Variants in CPNE4 observed in about 807,000 individuals in gnomAD.
CPNE4 encodes copine 4, also known as copine-4.
CPNE4 carries 25 observed loss-of-function variants against 67.9 expected under a neutral mutation model. The ratio of observed to expected loss-of-function variants is 0.37; its 90% CI spans 0.27 to 0.51. CPNE4 has a LOEUF of 0.51. Among genes scored for constraint, CPNE4 ranks in the 20% least tolerant of loss-of-function variants. The pLI is 0.93. For synonymous variants in CPNE4, 242 were observed against 244.9 expected (o/e 0.99, Z 0.11); for missense variants, 464 against 690.8 (o/e 0.67, Z 3.68).
chr3:131,861,022 G>A (rs1209797324), intron 2 of CPNE4, among the ~76,000 whole-genome samples: 1 of 152,172 alleles, frequency 6.6e-6, no homozygotes. Context: ...ATAAAAGTGA[G>A]TTTGAGTTTT....
intron 3 of CPNE4, among the ~76,000 whole-genome samples, chr3:131,704,856 G>A (rs1583050498): frequency 6.6e-6 from 1 of 151,652 alleles, no homozygotes; most frequent in South Asian, 2.1e-4. Context: ...ATGAAATTGT[G>A]TATCCCATAT....
chr3:131,562,723 G>T (rs1283175231), intron 11 of CPNE4, among the ~76,000 whole-genome samples: 1 of 151,898 alleles, frequency 6.6e-6, no homozygotes, highest in Non-Finnish European at 1.5e-5. Context: ...TCTCTCCCTG[G>T]TGGAAATCTT....
intron 1 of CPNE4, among the ~76,000 whole-genome samples, chr3:131,988,066 T>TCC (rs2073097431): frequency 6.6e-6 from 1 of 152,072 alleles, no homozygotes; most frequent in Non-Finnish European, 1.5e-5. Flanking sequence ...GTGCTATGAG[T>TCC]AGGTGACACA....
intron 2 of CPNE4, among the ~76,000 whole-genome samples, chr3:131,812,519 A>G (rs952944493): frequency 3.3e-5 from 5 of 152,332 alleles, no homozygotes; most frequent in African/African-American, 9.6e-5. Context: ...TTCAAATAAA[A>G]ACAAAAGAAT....
intron 2 of CPNE4, among the ~76,000 whole-genome samples, chr3:131,818,884 G>A (rs978672586): frequency 3.3e-5 from 5 of 152,094 alleles, no homozygotes; most frequent in Non-Finnish European, 5.9e-5. Context: ...GGCAGATCAC[G>A]AGGTCAAGGG....
chr3:131,721,024 T>A (rs1477261311), intron 3 of CPNE4, among the ~76,000 whole-genome samples: 1 of 152,230 alleles, frequency 6.6e-6, no homozygotes, highest in Admixed American at 6.5e-5. Flanking sequence ...CCTTATTTGA[T>A]CCCTCTCTCT....
intron 2 of CPNE4, among the ~76,000 whole-genome samples, chr3:131,806,253 A>C (rs34061430): frequency 0.25 from 38,518 of 152,140 alleles, 5,234 homozygotes; most frequent in East Asian, 0.34. Context: ...TAATTAGAAC[A>C]TAAAATTAAA....
At chr3:131,645,954 C>A (rs1362192477) in intron 7 of CPNE4, among the ~76,000 whole-genome samples, 2 of 152,180 alleles carry the variant, frequency 1.3e-5, no homozygotes, top group East Asian at 3.9e-4. Context: ...GCTCAAGAAA[C>A]TATGCATGAA....
Position 131,535,117 on chromosome 3 carries a change from A to G in CPNE4, c.*78T>C. 7.1e-7 allele frequency: 1 copy of G among 1,410,034 alleles called. No individual in the cohort carries two copies. Among genetic ancestry groups the G allele is most frequent in the South Asian group, 1.5e-5 (1 of 68,660 alleles). 87.3% of individuals were successfully genotyped at this position (1,410,034 alleles called of 1,614,324 possible). ...GTATATGTTGTTGGTTTTTTAAAGT[A>G]CAGGAGTAGTAGAAGTATTAAATAT... On this transcript the variant is annotated 3_prime_UTR_variant, in exon 16 of 16. Coordinates refer to ENST00000429747, the MANE Select transcript of CPNE4 (RefSeq NM_130808.3).
chr3:131,607,527 G>T (rs1939577842), intron 7 of CPNE4, among the ~76,000 whole-genome samples: 1 of 152,040 alleles, frequency 6.6e-6, no homozygotes, highest in African/African-American at 2.4e-5. Context: ...ATTTCTTCTG[G>T]CTATCATAAC....
chr3:131,963,730 T>A (rs758802033), intron 1 of CPNE4, among the ~76,000 whole-genome samples: 2 of 152,152 alleles, frequency 1.3e-5, no homozygotes, highest in African/African-American at 4.8e-5. Context: ...AGGCAGCAGC[T>A]CCAGTCACGG....
intron 2 of CPNE4, among the ~76,000 whole-genome samples, chr3:131,826,777 A>ACC (rs1431178428): frequency 3.3e-5 from 5 of 152,198 alleles, no homozygotes. Flanking sequence ...TATGTCTGTA[A>ACC]TACCAACATT....
chr3:131,935,680 T>C (rs995632177), intron 1 of CPNE4, among the ~76,000 whole-genome samples: 11 of 152,080 alleles, frequency 7.2e-5, no homozygotes, highest in African/African-American at 2.2e-4. Flanking sequence ...AGGGAGAAGA[T>C]AGTATGCCTT....
chr3:131,556,877 A>G (rs758845214), intron 11 of CPNE4, among the ~76,000 whole-genome samples: 7 of 152,114 alleles, frequency 4.6e-5, no homozygotes, highest in East Asian at 1.9e-4. Context: ...CATACAATGT[A>G]CCAGCCCCCT....
chr3:131,630,267 T>A (rs1236242385), intron 7 of CPNE4, among the ~76,000 whole-genome samples: 1 of 152,198 alleles, frequency 6.6e-6, no homozygotes, highest in Non-Finnish European at 1.5e-5. Flanking sequence ...TTTGTACAAG[T>A]AACTTATTTT....
At chr3:131,696,719 C>A in intron 4 of CPNE4, 103 bp from the exon 5 acceptor site, 1 of 1,027,776 alleles carries the variant, frequency 9.7e-7, no homozygotes, top group African/African-American at 1.6e-5. Context: ...TCAACAAAGA[C>A]AAATGTTGGG....
intron 2 of CPNE4, among the ~76,000 whole-genome samples, chr3:131,805,778 C>T (rs991933593): frequency 6.6e-6 from 1 of 152,164 alleles, no homozygotes; most frequent in Non-Finnish European, 1.5e-5. Context: ...CTTTCATTGC[C>T]TCACGAGTTA....
intron 2 of CPNE4, among the ~76,000 whole-genome samples, chr3:131,840,046 A>C (rs1224156091): frequency 1.3e-5 from 2 of 152,172 alleles, no homozygotes; most frequent in Non-Finnish European, 2.9e-5. Context: ...ACATACATTC[A>C]TGTAGCATGA....
chr3:131,717,895 TTTC>T (rs774920358), intron 3 of CPNE4, among the ~76,000 whole-genome samples: 6,694 of 79,396 alleles, frequency 0.084, 524 homozygotes, highest in East Asian at 0.18. Context: ...TCTTTCTTTC[TTTC>T]TTTCTTTCTT....
Sources: allele counts gnomAD v4.1 joint callset (sites outside exome capture counted in the v4.1 genomes callset), GRCh38; gene constraint gnomAD v4.1.1; transcripts MANE v1.5; gene names NCBI Gene and HGNC (gene_info 2026-07-23, HGNC 2026-07-21).